KIF18A: variants seen among roughly 807,000 people sequenced by gnomAD.
KIF18A encodes kinesin-like protein KIF18A.
In KIF18A, 67 loss-of-function variants were observed where a neutral mutation model predicts 103.3. The ratio of observed to expected loss-of-function variants is 0.65; its 90% CI spans 0.53 to 0.79. KIF18A has a LOEUF of 0.79. Ranked by LOEUF, KIF18A falls within the 30% of genes least tolerant of loss-of-function variation. KIF18A has a pLI of 0.00. For synonymous variants in KIF18A, 367 were observed against 355.5 expected (o/e 1.03, Z -0.36); for missense variants, 1,032 against 1,062.5 (o/e 0.97, Z 0.40).
At chr11:28,075,931 G>A (rs967522609) in intron 10 of KIF18A, among the ~76,000 whole-genome samples, 7 of 152,036 alleles carry the variant, frequency 4.6e-5, no homozygotes, top group Non-Finnish European at 8.8e-5. Context: ...TAATGGTAGT[G>A]TTCAAATGAC....
chr11:28,107,250 A>G (rs1851534986), intron 1 of KIF18A, among the ~76,000 whole-genome samples: 1 of 152,104 alleles, frequency 6.6e-6, no homozygotes, highest in African/African-American at 2.4e-5. Context: ...ATTTCTACCT[A>G]ATTATCCATA....
intron 1 of KIF18A, among the ~76,000 whole-genome samples, chr11:28,105,271 C>T (rs144187925): frequency 6.6e-6 from 1 of 152,226 alleles, no homozygotes; most frequent in African/African-American, 2.4e-5. Context: ...ACTGAGGAAG[C>T]ACATGCCATG....
chr11:28,104,803 C>T (rs977499865), intron 1 of KIF18A, among the ~76,000 whole-genome samples: 1 of 152,094 alleles, frequency 6.6e-6, no homozygotes, highest in African/African-American at 2.4e-5. Flanking sequence ...TAAACCAGTA[C>T]AGTTTTAATA....
intron 12 of KIF18A, among the ~76,000 whole-genome samples, chr11:28,062,021 A>T (rs1204953905): frequency 1.3e-5 from 2 of 152,118 alleles, no homozygotes; most frequent in Non-Finnish European, 2.9e-5. Context: ...ATGAATAATT[A>T]ACAATTGCCT....
Position 28,036,583 on chromosome 11 carries a change from T to G in KIF18A, c.2030A>C (p.Lys677Thr), listed in dbSNP as rs770479385. The G allele has an allele frequency of 1.9e-6, 3 of 1,610,854 alleles. No individual in the cohort carries two copies. The highest frequency in any genetic ancestry group is 2.5e-6 in the Non-Finnish European group (3 of 1,177,974). Residue 677 changes from lysine (K) to threonine (T), a missense_variant, in exon 14 of 17, where the codon AAA becomes ACA. Physicochemically the swap from Lys to Thr is moderately conservative, Grantham distance 78. Coordinates refer to ENST00000263181, the MANE Select transcript of KIF18A (RefSeq NM_031217.4). ...TRRKLMPSPL[K>T]GQHTLKSPPS... is the part of the protein sequence containing the mutation. The stretch of plus-strand genomic sequence containing the variant: ...TGGAGACTTTAGAGTATGCTGTCCT[T>G]TCAAGGGAGATGGCATTAGTTTTCT...
chr11:28,027,609 G>A (rs1268391857), intron 15 of KIF18A, among the ~76,000 whole-genome samples: 1 of 151,616 alleles, frequency 6.6e-6, no homozygotes, highest in African/African-American at 2.4e-5. Context: ...TTATCATACT[G>A]CACATCAGTT....
At chr11:28,025,386 T>C (rs1255049643) in intron 15 of KIF18A, among the ~76,000 whole-genome samples, 1 of 152,040 alleles carries the variant, frequency 6.6e-6, no homozygotes, top group African/African-American at 2.4e-5. Flanking sequence ...TTTTTTCAAA[T>C]ATAAAGATCA....
intron 1 of KIF18A, among the ~76,000 whole-genome samples, chr11:28,105,140 A>T (rs1329695781): frequency 1.3e-5 from 2 of 152,218 alleles, no homozygotes; most frequent in African/African-American, 2.4e-5. Context: ...AAATGTACTA[A>T]CAATTGACAT....
Position 28,091,964 on chromosome 11 carries a change from T to C in KIF18A, c.484-451A>G, listed in dbSNP as rs957107322. Among the ~76,000 whole-genome samples, 11 of 152,254 alleles carry C rather than the reference T, an allele frequency of 7.2e-5. No homozygotes were observed. The South Asian group carries it at 8.3e-4, about 11-fold the overall frequency. On this transcript the variant is annotated intron_variant, in intron 3 of 16. Coordinates refer to ENST00000263181, the MANE Select transcript of KIF18A (RefSeq NM_031217.4). Reference sequence around the variant, plus strand: ...CCCAGTAGCTGGGACTACTGGCGCCTGCCACCACGCCTGGCTAATTTTTTG... The same window carrying C: ...CCCAGTAGCTGGGACTACTGGCGCCCGCCACCACGCCTGGCTAATTTTTTG...
rs540183455 is a variant in KIF18A at position 28,082,953 on chromosome 11, C to T, written c.1165G>A (p.Glu389Lys). The change falls in exon 9 of 17, where the codon GAA becomes AAA. Residue 389 changes from glutamate to lysine, a missense_variant. Physicochemically the swap from Glu to Lys is moderately conservative, Grantham distance 56. Coordinates refer to ENST00000263181, the MANE Select transcript of KIF18A (RefSeq NM_031217.4). ...EQKAEILLLKEKLKAYEEQKA... is the reference protein window; with the variant it reads ...EQKAEILLLKKKLKAYEEQKA... ...TGTTCTTCATAGGCTTTTAGTTTTT[C>T]TTTTAACAATAAAATCTAGTAGAGA... 1 of 1,582,202 alleles carries T rather than the reference C, an allele frequency of 6.3e-7. No individual in the cohort carries two copies. The highest frequency in any genetic ancestry group is 1.4e-5 in the African/African-American group (1 of 73,588).
intron 15 of KIF18A, among the ~76,000 whole-genome samples, chr11:28,032,820 G>C (rs904401336): frequency 2.0e-5 from 3 of 151,710 alleles, no homozygotes; most frequent in African/African-American, 4.8e-5. Context: ...AAGATTTCTT[G>C]AGTAATACCC....
intron 10 of KIF18A, among the ~76,000 whole-genome samples, chr11:28,074,649 G>A (rs893719219): frequency 6.6e-6 from 1 of 151,930 alleles, no homozygotes; most frequent in Non-Finnish European, 1.5e-5. Context: ...CATTTCATAG[G>A]CTAACAAAAA....
At chr11:28,074,166 A>G (rs1851059857) in intron 10 of KIF18A, among the ~76,000 whole-genome samples, 1 of 152,054 alleles carries the variant, frequency 6.6e-6, no homozygotes, top group African/African-American at 2.4e-5. Flanking sequence ...AATAAAATAA[A>G]CATAAAAAAT....
In KIF18A at chr11:28,034,195, A is replaced by G. The variant is rs1406728778; in HGVS notation, c.2504+1192T>C. On this transcript the variant is annotated intron_variant, in intron 15 of 16. Transcript: ENST00000263181. ...TGAAATTATTACAGTTAAAATTTTT[A>G]AATTCCTATCTGATAATTCCAATAT... Among the ~76,000 whole-genome samples the G allele has an allele frequency of 4.0e-5, 6 of 151,736 alleles. No homozygotes were observed. The Admixed American group carries it at 4.0e-4, about 10-fold the overall frequency.
chr11:28,047,603 T>G (rs1850654135), intron 13 of KIF18A, among the ~76,000 whole-genome samples: 1 of 152,178 alleles, frequency 6.6e-6, no homozygotes, highest in African/African-American at 2.4e-5. Context: ...CTCAAAGTCA[T>G]GATAGCAATT....
chr11:28,045,749 C>G (rs12277634), intron 13 of KIF18A, among the ~76,000 whole-genome samples: 3 of 151,988 alleles, frequency 2.0e-5, no homozygotes, highest in Non-Finnish European at 4.4e-5. Context: ...AATCAAGAAA[C>G]AGCAGTATAG....
chr11:28,097,432 A>G (rs1368202281), intron 2 of KIF18A, 191 bp downstream of exon 2: 1 of 568,934 alleles, frequency 1.8e-6, no homozygotes, highest in Non-Finnish European at 3.1e-6. Flanking sequence ...TTTACAAATG[A>G]TGTATAAGTT....
chr11:28,027,788 A>G (rs1201566826), intron 15 of KIF18A, among the ~76,000 whole-genome samples: 1 of 151,972 alleles, frequency 6.6e-6, no homozygotes, highest in African/African-American at 2.4e-5. Context: ...AACCAATACC[A>G]ATCTTACTCA....
At position 28,036,231 on chromosome 11, in the gene KIF18A, T is replaced by C. The variant is rs1168295990; in HGVS notation, c.2382A>G (p.Lys794=). Residue 794 remains lysine, a synonymous_variant, in exon 14 of 17, where the codon AAA becomes AAG. Transcript: ENST00000263181. ...PEQESLPNDN[K]DILQRLDPSS... is the part of the protein sequence containing the mutation. ...TTTTTTTGTACCGTTGTAAAATGTCTTTGTTATCATTTGGTAGTGATTCTT... is the reference window on the plus strand; with the variant it reads ...TTTTTTTGTACCGTTGTAAAATGTCCTTGTTATCATTTGGTAGTGATTCTT... 1.9e-6 allele frequency: 3 copies of C among 1,582,634 alleles called. No homozygotes were observed. Among genetic ancestry groups the C allele is most frequent in the African/African-American group, 2.7e-5 (2 of 73,206 alleles).
Sources: allele counts gnomAD v4.1 joint callset (sites outside exome capture counted in the v4.1 genomes callset), GRCh38; gene constraint gnomAD v4.1.1; transcripts MANE v1.5; gene names NCBI Gene and HGNC (gene_info 2026-07-23, HGNC 2026-07-21).